The following SEMA4A variants were observed in gnomAD, a reference collection of about 807,000 sequenced individuals.
SEMA4A encodes the protein semaphorin-4A.
Under a neutral mutation model 72.5 loss-of-function variants are expected in SEMA4A, and 52 were observed. The ratio of observed to expected loss-of-function variants is 0.72; its 90% CI spans 0.57 to 0.90. SEMA4A has a LOEUF of 0.90. Among genes scored for constraint, SEMA4A ranks in the 40% least tolerant of loss-of-function variants. The probability of loss-of-function intolerance (pLI) is 0.00; values close to 1 mark genes in which losing one functional copy is unlikely to be tolerated. For synonymous variants in SEMA4A, 369 were observed against 393.1 expected, an observed-to-expected ratio of 0.94 and a Z score of 0.73; for missense variants, 926 against 959.7, an observed-to-expected ratio of 0.96 and a Z score of 0.46.
At chr1:156,163,362 A>G (rs755317073) in intron 10 of SEMA4A, 54 of 487,142 alleles carry the variant, frequency 1.1e-4, no homozygotes, top group Non-Finnish European at 1.9e-4. Context: ...AAACAAGGGA[A>G]CATGCGCTGT....
At chr1:156,164,048 GA>G (rs34436852) in intron 10 of SEMA4A, among the ~76,000 whole-genome samples, 2,328 of 111,602 alleles carry the variant, frequency 0.021, 43 homozygotes, top group African/African-American at 0.055. Flanking sequence ...GTTTTTAAAT[GA>G]AAAAAAAAAA....
chr1:156,176,336 TAG>T, intron 14 of SEMA4A, 67 bp from the exon 15 acceptor site: 1 of 1,225,794 alleles, frequency 8.2e-7, no homozygotes, highest in South Asian at 1.3e-5. Context: ...AAAGATAGGT[TAG>T]AGACTCTCTC....
In SEMA4A at chr1:156,158,415, C is replaced by G; in HGVS notation, c.391C>G (p.Leu131Val). 3 of 1,613,742 alleles carry G rather than the reference C, an allele frequency of 1.9e-6. No homozygotes were observed. The highest frequency in any genetic ancestry group is 1.1e-5 in the South Asian group (1 of 91,062). The change falls in exon 5 of 15, where the codon CTG becomes GTG. Residue 131 changes from leucine (L) to valine (V), a missense_variant. Coordinates refer to ENST00000368285, the MANE Select transcript of SEMA4A (RefSeq NM_022367.4). ...ETQCFNFIRV[L>V]VSYNVTHLYT... ...ACAGTGTTTCAACTTCATCCGTGTC[C>G]TGGTTTCTTACAATGTCACCCATCT...
chr1:156,176,894 C>A lies in SEMA4A; in HGVS notation c.2183C>A (p.Ala728Asp). Reference sequence around the variant, plus strand: ...GAGACCCTGCGCCCTGGGGAGAAGGCCCCGTTAAGCAGAGAGCAACACCTC... The same window carrying A: ...GAGACCCTGCGCCCTGGGGAGAAGGACCCGTTAAGCAGAGAGCAACACCTC... ...GCETLRPGEK[A>D]PLSREQHLQS... Residue 728 changes from alanine to aspartate, a missense_variant, in exon 15 of 15, where the codon GCC (alanine) becomes GAC (aspartate). Ala to Asp is a moderately radical substitution (Grantham distance 126). Coordinates refer to ENST00000368285, the MANE Select transcript of SEMA4A (RefSeq NM_022367.4). The A allele has an allele frequency of 6.2e-7, 1 of 1,614,240 alleles. No homozygotes were observed. Among genetic ancestry groups the A allele is most frequent in the South Asian group, 1.1e-5 (1 of 91,090 alleles).
intron 1 of SEMA4A, 40 bp from the exon 2 acceptor site, chr1:156,154,510 A>C (rs1008065029): frequency 6.4e-7 from 1 of 1,554,968 alleles, no homozygotes; most frequent in Non-Finnish European, 8.7e-7. Context: ...TGTGGTAAGA[A>C]CTGCTCACCC....
intron 13 of SEMA4A, 42 bp from the exon 14 acceptor site, chr1:156,175,514 A>G: frequency 6.7e-7 from 1 of 1,497,470 alleles, no homozygotes; most frequent in Non-Finnish European, 9.2e-7. Flanking sequence ...TCCCACTTTC[A>G]GCTCTTTTGA....
Position 156,175,550 on chromosome 1 carries a change from TCTTAGGAA to T in SEMA4A, c.1593-3_1597del. ...AGGATAATTTTTACTTTCTCTGCTCTCTTAGGAACTCCTGGAAGCAGGACATGGAGCGG... is the reference window on the plus strand; with the variant it reads ...AGGATAATTTTTACTTTCTCTGCTCTCTCCTGGAAGCAGGACATGGAGCGG... On this transcript the variant is annotated splice_acceptor_variant and splice_polypyrimidine_tract_variant and coding_sequence_variant and intron_variant, in exon 14 of 15. Transcript: ENST00000368285. LOFTEE classifies it high-confidence loss of function. 6.2e-7 allele frequency: 1 copy of T among 1,609,908 alleles called. No individual in the cohort carries two copies. The highest frequency in any genetic ancestry group is 8.5e-7 in the Non-Finnish European group (1 of 1,176,764).
upstream of SEMA4A, among the ~76,000 whole-genome samples, chr1:156,149,021 C>T (rs548509704): frequency 2.8e-4 from 43 of 152,130 alleles, no homozygotes; most frequent in African/African-American, 9.9e-4. Context: ...AGGCTGGTCT[C>T]GAACTCCTGA....
At chr1:156,169,344 G>A (rs1455633247) in intron 10 of SEMA4A, among the ~76,000 whole-genome samples, 2 of 148,904 alleles carry the variant, frequency 1.3e-5, no homozygotes, top group African/African-American at 5.0e-5. Flanking sequence ...AAATGTGGAT[G>A]CTTTTGCATT....
upstream of SEMA4A, chr1:156,150,205 TACTC>T (rs113322377): frequency 0.011 from 1,634 of 152,436 alleles, 30 homozygotes; most frequent in African/African-American, 0.037. Context: ...TTGTGTGTGA[TACTC>T]AGCGCAGCCT....
intron 10 of SEMA4A, 108 bp from the exon 11 acceptor site, chr1:156,172,718 T>G: frequency 9.5e-7 from 1 of 1,053,398 alleles, no homozygotes; most frequent in Non-Finnish European, 1.5e-6. Context: ...CACCCTGAAA[T>G]GAGGACTGCC....
chr1:156,156,370 C>A (rs766873630), intron 2 of SEMA4A, 44 bp from the exon 3 acceptor site: 2 of 1,599,040 alleles, frequency 1.3e-6, no homozygotes, highest in Non-Finnish European at 8.6e-7. Context: ...CAGCTGCCTG[C>A]CCACCAAGTC....
At chr1:156,161,108 GC>G in intron 8 of SEMA4A, 79 bp downstream of exon 8, 3 of 1,482,244 alleles carry the variant, frequency 2.0e-6, no homozygotes, top group Admixed American at 1.8e-5. Flanking sequence ...TGAGTGGTGG[GC>G]CCCCAGTGAG....
chr1:156,160,939 C>A lies in SEMA4A; in HGVS notation c.720C>A (p.Thr240=), dbSNP rs1406081024. The A allele has an allele frequency of 1.2e-6, 2 of 1,613,540 alleles. No individual in the cohort carries two copies. Among genetic ancestry groups the A allele is most frequent in the Admixed American group, 3.3e-5 (2 of 59,942 alleles). The change falls in exon 8 of 15, where the codon ACC becomes ACA. Residue 240 remains threonine, a synonymous_variant. Transcript: ENST00000368285. ...DASFVAAIPS[T]QVVYFFFEET... is the part of the protein sequence containing the mutation. ...CCTTTGTGGCAGCCATCCCTTCGACCCAGGTCGTCTACTTCTTCTTCGAGG... is the reference window on the plus strand; with the variant it reads ...CCTTTGTGGCAGCCATCCCTTCGACACAGGTCGTCTACTTCTTCTTCGAGG...
At chr1:156,150,910 T>G (rs1026589158), upstream of SEMA4A, among the ~76,000 whole-genome samples, 1 of 151,796 alleles carries the variant, frequency 6.6e-6, no homozygotes, top group African/African-American at 2.4e-5. Flanking sequence ...TGTGGAGAAA[T>G]GGGCTGGGGG....
chr1:156,174,657 A>G (rs1370686068), intron 11 of SEMA4A, among the ~76,000 whole-genome samples, 165 bp from the exon 12 acceptor site: 2 of 152,114 alleles, frequency 1.3e-5, no homozygotes, highest in Non-Finnish European at 2.9e-5. Context: ...TTTACAAGAG[A>G]CTGCCATCTC....
chr1:156,167,833 A>G (rs1020361184), intron 10 of SEMA4A, among the ~76,000 whole-genome samples: 2 of 152,160 alleles, frequency 1.3e-5, no homozygotes, highest in African/African-American at 4.8e-5. Context: ...CTGTTTTCAC[A>G]TATCTCTCAT....
At position 156,176,307 on chromosome 1, in the gene SEMA4A, A is replaced by AG. The variant is rs1655321467; in HGVS notation, c.1694-98_1694-97insG. ...CCAGAACCTGCCTCAAAAAAAAAAAAAAAAGAGGGCTGGGGTCCAAAGATA... is the reference window on the plus strand; with the variant it reads ...CCAGAACCTGCCTCAAAAAAAAAAAAGAAAAGAGGGCTGGGGTCCAAAGATA... On this transcript the variant is annotated intron_variant, in intron 14 of 14. Transcript: ENST00000368285. 3 of 995,356 alleles carry AG rather than the reference A, an allele frequency of 3.0e-6. No individual in the cohort carries two copies. In the Admixed American group the frequency reaches 7.6e-5, roughly 25 times the overall value. The allele number at this position is 995,356 out of a possible 1,614,324, so 61.7% of individuals were successfully genotyped here. A position where few individuals can be genotyped will look rare whatever the true frequency, so the allele number is the denominator to read the frequency against.
chr1:156,167,480 A>G (rs996092576), intron 10 of SEMA4A, among the ~76,000 whole-genome samples: 10 of 148,078 alleles, frequency 6.8e-5, no homozygotes, highest in African/African-American at 2.2e-4. Context: ...TGTCTCAAAA[A>G]AAAAAAAAAA....
Sources: gnomAD v4.1 joint callset for allele counts (sites outside exome capture counted in the v4.1 genomes callset) on GRCh38, gnomAD v4.1.1 for gene constraint, MANE v1.5 for transcripts, NCBI Gene and HGNC (gene_info 2026-07-23, HGNC 2026-07-21) for gene names.